Variants in ADAMTS2 observed in about 807,000 individuals in gnomAD.
The protein encoded by ADAMTS2 is ADAM metallopeptidase with thrombospondin type 1 motif 2.
In ADAMTS2, 50 loss-of-function variants were observed where a neutral mutation model predicts 123.0. The observed-to-expected ratio is 0.41, with a 90% CI of 0.32 to 0.51. ADAMTS2 has a LOEUF of 0.51. ADAMTS2 is among the 20% of genes least tolerant of loss of function. The pLI is 0.35. For missense variants in ADAMTS2, 1,494 were observed against 1,705.2 expected (o/e 0.88, Z 2.18); for synonymous variants, 678 against 695.4 (o/e 0.98, Z 0.39).
Position 179,317,236 on chromosome 5 carries a change from T to C in ADAMTS2, c.534+26531A>G, listed in dbSNP as rs1322818663. ...TTTGGCGTCTTTCCTCCCAGTGGTT[T>C]CTTGGTAGTTCCTCATAAATCCATG... On this transcript the variant is annotated intron_variant, in intron 2 of 21. Transcript: ENST00000251582. The surrounding 1 kb of genome is among the most constrained non-coding windows in gnomAD (Gnocchi z 4.9). Among the ~76,000 whole-genome samples, 1 of 152,198 alleles carries C rather than the reference T, an allele frequency of 6.6e-6. No individual in the cohort carries two copies. The highest frequency in any genetic ancestry group is 1.5e-5 in the Non-Finnish European group (1 of 68,042).
chr5:179,220,661 C>T (rs184025182), intron 3 of ADAMTS2, among the ~76,000 whole-genome samples: 190 of 152,296 alleles, frequency 1.2e-3, no homozygotes, highest in Middle Eastern at 6.8e-3. Context: ...TACCCCTCCA[C>T]GCTCTATGCC....
chr5:179,277,107 G>A (rs554154527), intron 2 of ADAMTS2, among the ~76,000 whole-genome samples: 7 of 152,136 alleles, frequency 4.6e-5, no homozygotes, highest in Admixed American at 3.3e-4. Flanking sequence ...GCGACTCCTC[G>A]GAGGGCACAG....
At chr5:179,304,532 T>C (rs1756620610) in intron 2 of ADAMTS2, among the ~76,000 whole-genome samples, 1 of 152,190 alleles carries the variant, frequency 6.6e-6, no homozygotes, top group South Asian at 2.1e-4. Flanking sequence ...ACGGAAATTT[T>C]AGAACTGAAA....
rs565147061 is a variant in ADAMTS2, at chr5:179,136,572, G to A, written c.1952-530C>T. The stretch of plus-strand genomic sequence containing the variant: ...CCCAGATACTTGGGAGGCTGAGGCA[G>A]GAGAATCGCTTGAACCCAGGAGGCC... On this transcript the variant is annotated intron_variant, in intron 12 of 21. Transcript: ENST00000251582. 4.6e-5 allele frequency among the ~76,000 whole-genome samples: 7 copies of A among 152,016 alleles called. No individual in the cohort carries two copies. In the South Asian group the frequency reaches 1.5e-3, roughly 32 times the overall value.
At chr5:179,282,458 C>T (rs1766941878) in intron 2 of ADAMTS2, among the ~76,000 whole-genome samples, 1 of 152,168 alleles carries the variant, frequency 6.6e-6, no homozygotes, top group Non-Finnish European at 1.5e-5. Flanking sequence ...GATGTATTTC[C>T]AAACTCTCAG....
chr5:179,156,083 A>T (rs1763463631), intron 6 of ADAMTS2, among the ~76,000 whole-genome samples: 1 of 152,026 alleles, frequency 6.6e-6, no homozygotes, highest in South Asian at 2.1e-4. Context: ...TGCCCTTTGT[A>T]TGCCAGGCTT....
rs967125212 is a variant in ADAMTS2 at position 179,286,012 on chromosome 5, G to C, written c.535-12948C>G. Among the ~76,000 whole-genome samples the C allele has an allele frequency of 1.3e-5, 2 of 151,944 alleles. 1 individual carries two copies. The highest frequency in any genetic ancestry group is 4.8e-5 in the African/African-American group (2 of 41,370). ...GCGGATCACCTGAGGTCAGGAGTTT[G>C]AGACCATCCTGGGCAACATGGTGAA... On this transcript the variant is annotated intron_variant, in intron 2 of 21. Coordinates refer to ENST00000251582, the MANE Select transcript of ADAMTS2 (RefSeq NM_014244.5).
intron 6 of ADAMTS2, among the ~76,000 whole-genome samples, chr5:179,156,146 C>T (rs1296193643): frequency 6.6e-6 from 1 of 152,146 alleles, no homozygotes; most frequent in Non-Finnish European, 1.5e-5. Flanking sequence ...CTCAGCATTA[C>T]AGGAGCCTGC....
At chr5:179,273,107 A>T (rs775596950) in intron 2 of ADAMTS2, 43 bp from the exon 3 acceptor site, 1 of 1,612,934 alleles carries the variant, frequency 6.2e-7, no homozygotes. Context: ...AGCACACAAA[A>T]GACCAAGGAA....
chr5:179,151,733 C>T (rs1763359807), intron 10 of ADAMTS2, among the ~76,000 whole-genome samples: 1 of 152,146 alleles, frequency 6.6e-6, no homozygotes, highest in Non-Finnish European at 1.5e-5. Context: ...ACAGTGTGCC[C>T]AACAAGGGAC....
At chr5:179,208,192 T>TGCCTGACGCTGGAGTGGGCAGAGCCA (rs1764763674) in intron 3 of ADAMTS2, among the ~76,000 whole-genome samples, 2 of 42,000 alleles carry the variant, frequency 4.8e-5, no homozygotes, top group Non-Finnish European at 8.1e-5. Context: ...CCACCTCTTC[T>TGCCTGACGCTGGAGTGGGCAGAGCCA]CCCCCGAAGG....
At chr5:179,287,417 G>A (rs1756051588) in intron 2 of ADAMTS2, among the ~76,000 whole-genome samples, 1 of 152,114 alleles carries the variant, frequency 6.6e-6, no homozygotes, top group African/African-American at 2.4e-5. Context: ...CCAGCAGCAG[G>A]CCACTCTCTC....
At chr5:179,122,506 C>T (rs1581137101) in intron 20 of ADAMTS2, 138 bp downstream of exon 20, 2 of 1,303,436 alleles carry the variant, frequency 1.5e-6, no homozygotes, top group East Asian at 2.5e-5. Context: ...GCCTGCAGTG[C>T]CCCGCTTCTC....
chr5:179,240,066 A>G (rs1581213386), intron 3 of ADAMTS2, among the ~76,000 whole-genome samples: 1 of 152,310 alleles, frequency 6.6e-6, no homozygotes, highest in East Asian at 1.9e-4. Flanking sequence ...CTGAGAGAGC[A>G]AAAAGCTGGG....
At chr5:179,171,041 G>A (rs1763805556) in intron 5 of ADAMTS2, among the ~76,000 whole-genome samples, 1 of 152,230 alleles carries the variant, frequency 6.6e-6, no homozygotes, top group African/African-American at 2.4e-5. Flanking sequence ...TGGACGGGTT[G>A]AGTTTATGTC....
chr5:179,227,305 C>T (rs1395905532), intron 3 of ADAMTS2, among the ~76,000 whole-genome samples: 1 of 152,194 alleles, frequency 6.6e-6, no homozygotes, highest in Non-Finnish European at 1.5e-5. Context: ...GCAAGCCACG[C>T]ACATGCAGGA....
intron 2 of ADAMTS2, among the ~76,000 whole-genome samples, chr5:179,275,510 T>C (rs781713203): frequency 1.3e-5 from 2 of 152,176 alleles, no homozygotes; most frequent in Non-Finnish European, 2.9e-5. Context: ...GCTCTGGGGC[T>C]GGCTGGGCCC....
Position 179,234,210 on chromosome 5 carries a change from C to T in ADAMTS2, c.689-26495G>A, listed in dbSNP as rs1765476365. On this transcript the variant is annotated intron_variant, in intron 3 of 21. Transcript: ENST00000251582. This position sits in a 1 kb window ranked among gnomAD's most constrained non-coding sequence, Gnocchi z 4.7. ...CCTCCCCATCAGATGCCAGAGATAT[C>T]ACCAGCCCTCGAGGCTTAACCCCTG... Among the ~76,000 whole-genome samples, 1 of 152,186 alleles carries T rather than the reference C, an allele frequency of 6.6e-6. No individual in the cohort carries two copies. The highest frequency in any genetic ancestry group is 2.1e-4 in the South Asian group (1 of 4,832).
rs1766044956 is a variant in ADAMTS2 at position 179,256,080 on chromosome 5, G to A, written c.688+16831C>T. Among the ~76,000 whole-genome samples, 1 of 152,182 alleles carries A rather than the reference G, an allele frequency of 6.6e-6. No homozygotes were observed. Among genetic ancestry groups the A allele is most frequent in the African/African-American group, 2.4e-5 (1 of 41,436 alleles). ...GCTTGGCCTTGGTCCACCGTGGACA[G>A]CGTCTCTGACACGGTCCTTCTTCCC... On this transcript the variant is annotated intron_variant, in intron 3 of 21. Transcript: ENST00000251582. This position sits in a 1 kb window ranked among gnomAD's most constrained non-coding sequence, Gnocchi z 4.1.
Sources: allele counts gnomAD v4.1 joint callset (sites outside exome capture counted in the v4.1 genomes callset), GRCh38; gene constraint gnomAD v4.1.1; non-coding constraint Gnocchi (gnomAD v3.1); transcripts MANE v1.5; gene names NCBI Gene and HGNC (gene_info 2026-07-23, HGNC 2026-07-21).